The following HMCN1 variants were observed in gnomAD, a reference collection of about 807,000 sequenced individuals.
HMCN1 encodes the protein hemicentin 1, also known as hemicentin-1.
In HMCN1, 321 loss-of-function variants were observed where a neutral mutation model predicts 625.9. That is an observed-to-expected ratio of 0.51 (90% CI 0.47 to 0.56). The LOEUF is 0.56. Ranked by LOEUF, HMCN1 falls within the 20% of genes least tolerant of loss-of-function variation. The pLI is 0.00. For missense variants in HMCN1, 6,588 were observed against 6,887.3 expected (o/e 0.96, Z 1.54); for synonymous variants, 2,425 against 2,417.6 (o/e 1.00, Z -0.09).
At chr1:185,900,118 G>T (rs1322487726) in intron 4 of HMCN1, among the ~76,000 whole-genome samples, 2 of 151,694 alleles carry the variant, frequency 1.3e-5, no homozygotes, top group Non-Finnish European at 2.9e-5. Flanking sequence ...CAGGCATCTG[G>T]ATTACCTTTT....
Position 186,136,923 on chromosome 1 carries a change from C to G in HMCN1, c.13568C>G (p.Pro4523Arg). Reference sequence around the variant, plus strand: ...ATGGGTTCTGTCCTTGTCAGAGTGCCAGTCATAGTCCAGGGTGAGTGTGAT... The same window carrying G: ...ATGGGTTCTGTCCTTGTCAGAGTGCGAGTCATAGTCCAGGGTGAGTGTGAT... ...NLMGSVLVRV[P>R]VIVQVHGGFS... Residue 4523 changes from proline to arginine, a missense_variant, in exon 87 of 107, where the codon CCA becomes CGA. Transcript: ENST00000271588. 6.2e-7 allele frequency: 1 copy of G among 1,613,688 alleles called. No individual in the cohort carries two copies. Among genetic ancestry groups the G allele is most frequent in the Non-Finnish European group, 8.5e-7 (1 of 1,179,894 alleles).
intron 10 of HMCN1, among the ~76,000 whole-genome samples, chr1:185,929,437 T>A (rs1262062410): frequency 6.6e-6 from 1 of 152,202 alleles, no homozygotes; most frequent in East Asian, 1.9e-4. Flanking sequence ...CCATTTATAA[T>A]CAATGATCAG....
At chr1:185,876,160 CA>C (rs1423154003) in intron 4 of HMCN1, among the ~76,000 whole-genome samples, 1 of 151,974 alleles carries the variant, frequency 6.6e-6, no homozygotes, top group Non-Finnish European at 1.5e-5. Flanking sequence ...TGAGAACATG[CA>C]GTGTTTGATT....
intron 1 of HMCN1, among the ~76,000 whole-genome samples, chr1:185,826,066 A>T (rs1660491805): frequency 6.6e-6 from 1 of 152,192 alleles, no homozygotes; most frequent in African/African-American, 2.4e-5. Flanking sequence ...AATGAAGATA[A>T]TACCCAACTT....
chr1:185,989,005 CTTTTTTTTTTT>C (rs569764243), intron 20 of HMCN1, among the ~76,000 whole-genome samples: 1 of 117,576 alleles, frequency 8.5e-6, no homozygotes. Flanking sequence ...ACTTTTAGTA[CTTTTTTTTTTT>C]TTTTTTTTTG....
chr1:185,829,490 T>C (rs1660726217), intron 1 of HMCN1, among the ~76,000 whole-genome samples: 2 of 152,164 alleles, frequency 1.3e-5, no homozygotes, highest in African/African-American at 2.4e-5. Context: ...CTCCCACTTA[T>C]GAATGAGAAA....
intron 11 of HMCN1, among the ~76,000 whole-genome samples, chr1:185,957,573 C>A (rs950662733): frequency 2.0e-5 from 3 of 152,094 alleles, no homozygotes; most frequent in Non-Finnish European, 4.4e-5. Context: ...GGAGATCAAC[C>A]CAGGAGTCCT....
intron 1 of HMCN1, among the ~76,000 whole-genome samples, chr1:185,768,123 C>T (rs561223280): frequency 6.6e-6 from 1 of 152,210 alleles, no homozygotes; most frequent in East Asian, 1.9e-4. Context: ...ATTATTATTC[C>T]TCACCATACG....
Position 185,804,343 on chromosome 1 carries a change from TAGTGTTTG to T in HMCN1, c.269-41682_269-41675del, listed in dbSNP as rs1437055043. On this transcript the variant is annotated intron_variant, in intron 1 of 106. Transcript: ENST00000271588. ...ATTATAACTGCAGTCATCATGATTC[TAGTGTTTG>T]TTGAGTTGTGGTCTGTTTGACAGTC... 6.1e-3 allele frequency among the ~76,000 whole-genome samples: 936 copies of T among 152,218 alleles called. 8 individuals are homozygous for T. The highest frequency in any genetic ancestry group is 0.021 in the African/African-American group (863 of 41,556).
chr1:186,148,213 G>A (rs563301595), intron 93 of HMCN1, among the ~76,000 whole-genome samples: 3 of 152,122 alleles, frequency 2.0e-5, no homozygotes, highest in Non-Finnish European at 4.4e-5. Context: ...ATTCATTCAA[G>A]TTTTATCATA....
At chr1:185,972,172 G>A (rs181713002) in intron 15 of HMCN1, among the ~76,000 whole-genome samples, 1 of 152,230 alleles carries the variant, frequency 6.6e-6, no homozygotes, top group East Asian at 1.9e-4. Flanking sequence ...TTTTAGACTT[G>A]TCTGGCTCTA....
intron 1 of HMCN1, among the ~76,000 whole-genome samples, chr1:185,836,079 C>G (rs1661158205): frequency 6.6e-6 from 1 of 152,136 alleles, no homozygotes; most frequent in African/African-American, 2.4e-5. Flanking sequence ...AAATATTTCA[C>G]CTCACAACAT....
At chr1:185,779,217 T>G (rs1322541793) in intron 1 of HMCN1, among the ~76,000 whole-genome samples, 1 of 152,214 alleles carries the variant, frequency 6.6e-6, no homozygotes, top group African/African-American at 2.4e-5. Context: ...TGTAAATTTG[T>G]TTGAGTTCTT....
intron 2 of HMCN1, among the ~76,000 whole-genome samples, chr1:185,857,702 G>A (rs1431097694): frequency 1.3e-5 from 2 of 152,070 alleles, no homozygotes; most frequent in African/African-American, 4.8e-5. Context: ...TCAAGCTCAG[G>A]CTGAGTATGT....
Position 186,132,377 on chromosome 1 carries a change from TG to T in HMCN1, c.13282del (p.Val4428TrpfsTer5). ...TGTGTAGCTACCAATGAAGCTGGGG[TG>T]GTGGAGCGCAGCATGAGTCTGACTC... The part of the protein sequence containing the change: ...YTCVATNEAG[V>X]VERSMSLTLQ... On this transcript the variant is annotated frameshift_variant, in exon 86 of 107. Transcript: ENST00000271588. LOFTEE classifies it high-confidence loss of function. 3.1e-6 allele frequency: 5 copies of T among 1,612,510 alleles called. No homozygotes were observed. Among genetic ancestry groups the T allele is most frequent in the Non-Finnish European group, 4.2e-6 (5 of 1,179,286 alleles).
At chr1:186,066,086 T>A (rs1249549590) in intron 49 of HMCN1, among the ~76,000 whole-genome samples, 3 of 152,190 alleles carry the variant, frequency 2.0e-5, no homozygotes, top group Non-Finnish European at 4.4e-5. Flanking sequence ...CTTCTCATAT[T>A]GAACACAGCC....
Position 186,178,658 on chromosome 1 carries a change from A to G in HMCN1, c.16186A>G (p.Ser5396Gly). The G allele has an allele frequency of 6.2e-7, 1 of 1,614,012 alleles. No individual in the cohort carries two copies. Among genetic ancestry groups the G allele is most frequent in the Non-Finnish European group, 8.5e-7 (1 of 1,179,860 alleles). Reference protein sequence around the residue: ...QHYRQYSHLYSSYSEYRNSRT... With the variant: ...QHYRQYSHLYGSYSEYRNSRT... ...TTACAGACAGTACTCACATCTCTACAGCTCCTACTCAGAGTATAGAAACAG... is the reference window on the plus strand; with the variant it reads ...TTACAGACAGTACTCACATCTCTACGGCTCCTACTCAGAGTATAGAAACAG... The change falls in exon 104 of 107, where the codon AGC (serine) becomes GGC (glycine). Residue 5396 changes from serine to glycine, a missense_variant. Ser to Gly is a moderately conservative substitution (Grantham distance 56). Transcript: ENST00000271588.
intron 5 of HMCN1, among the ~76,000 whole-genome samples, chr1:185,910,295 C>A (rs2102452437): frequency 6.6e-6 from 1 of 152,104 alleles, no homozygotes; most frequent in East Asian, 1.9e-4. Context: ...TTCTCAGAGG[C>A]CACAAACACA....
intron 56 of HMCN1, among the ~76,000 whole-genome samples, chr1:186,082,396 CT>C (rs1193817514): frequency 6.6e-6 from 1 of 152,162 alleles, no homozygotes; most frequent in East Asian, 1.9e-4. Flanking sequence ...CCCAAGTGAT[CT>C]CTACCCTCCA....
Sources: gnomAD v4.1 joint callset for allele counts (sites outside exome capture counted in the v4.1 genomes callset) on GRCh38, gnomAD v4.1.1 for gene constraint, MANE v1.5 for transcripts, NCBI Gene and HGNC (gene_info 2026-07-23, HGNC 2026-07-21) for gene names.